The following GRIK1 variants were observed in gnomAD, a reference collection of about 807,000 sequenced individuals.
GRIK1 encodes glutamate ionotropic receptor kainate type subunit 1.
GRIK1 carries 69 observed loss-of-function variants against 105.7 expected under a neutral mutation model. That is an observed-to-expected ratio of 0.65 (90% CI 0.54 to 0.80). GRIK1 has a LOEUF of 0.80. GRIK1 is among the 30% of genes least tolerant of loss of function. The probability of loss-of-function intolerance (pLI) is 0.00; values close to 1 mark genes in which losing one functional copy is unlikely to be tolerated. For missense variants in GRIK1, 1,109 were observed against 1,167.3 expected, an observed-to-expected ratio of 0.95 and a Z score of 0.73; for synonymous variants, 438 against 431.3, an observed-to-expected ratio of 1.02 and a Z score of -0.19.
At chr21:29,598,083 G>T (rs363461) in intron 8 of GRIK1, among the ~76,000 whole-genome samples, 1,894 of 152,260 alleles carry the variant, frequency 0.012, 44 homozygotes, top group African/African-American at 0.043. Context: ...CTATAAGATT[G>T]TCAGTGCAAA....
At chr21:29,768,949 A>G (rs1213009759) in intron 1 of GRIK1, among the ~76,000 whole-genome samples, 1 of 152,228 alleles carries the variant, frequency 6.6e-6, no homozygotes, top group Admixed American at 6.5e-5. Context: ...TGAGGATTAA[A>G]TGAGAAAATG....
chr21:29,697,916 T>C (rs9978168), intron 1 of GRIK1, among the ~76,000 whole-genome samples: 44 of 132,518 alleles, frequency 3.3e-4, no homozygotes, highest in African/African-American at 1.2e-3. Context: ...CTTTCTTTCT[T>C]TCTCTCTCTC....
intron 1 of GRIK1, among the ~76,000 whole-genome samples, chr21:29,769,007 CAATT>C (rs779528541): frequency 5.3e-5 from 8 of 152,068 alleles, no homozygotes; most frequent in Non-Finnish European, 1.0e-4. Flanking sequence ...AACAATCAAT[CAATT>C]ATTGTTGTTC....
intron 1 of GRIK1, among the ~76,000 whole-genome samples, chr21:29,853,620 T>C (rs1428781799): frequency 6.6e-6 from 1 of 152,220 alleles, no homozygotes; most frequent in African/African-American, 2.4e-5. Flanking sequence ...AACTATGCTT[T>C]CCTCTAGTCA....
chr21:29,790,510 CA>C lies in GRIK1; in HGVS notation c.119-96448del, dbSNP rs1310568590. Among the ~76,000 whole-genome samples the C allele has an allele frequency of 2.0e-5, 3 of 151,724 alleles. No homozygotes were observed. In the East Asian group the frequency reaches 5.8e-4, roughly 29 times the overall value. On this transcript the variant is annotated intron_variant, in intron 1 of 17. Coordinates refer to ENST00000327783, the MANE Select transcript of GRIK1 (RefSeq NM_001330994.2). ...TCTTGCTGTCACCCAGTCTGAAATG[CA>C]GCAGTGCAATCACAGCTCACTGCAG...
intron 1 of GRIK1, among the ~76,000 whole-genome samples, chr21:29,789,464 T>C (rs2066351690): frequency 6.6e-6 from 1 of 152,130 alleles, no homozygotes; most frequent in African/African-American, 2.4e-5. Flanking sequence ...AAGAAAGATG[T>C]CTCCTGTTTA....
At chr21:29,749,326 C>T (rs1466428090) in intron 1 of GRIK1, among the ~76,000 whole-genome samples, 1 of 152,162 alleles carries the variant, frequency 6.6e-6, no homozygotes, top group Non-Finnish European at 1.5e-5. Context: ...AGGGACAGGA[C>T]TGGATGATAG....
intron 14 of GRIK1, among the ~76,000 whole-genome samples, chr21:29,576,720 C>A (rs1296748110): frequency 6.6e-6 from 1 of 151,582 alleles, no homozygotes; most frequent in Non-Finnish European, 1.5e-5. Flanking sequence ...ATCTATGGAT[C>A]TGAGTACACT....
intron 1 of GRIK1, among the ~76,000 whole-genome samples, chr21:29,728,150 C>G (rs552856964): frequency 6.6e-6 from 1 of 152,194 alleles, no homozygotes; most frequent in African/African-American, 2.4e-5. Context: ...TTAGCTCAAT[C>G]AAGTTGTCAT....
At chr21:29,584,646 G>A (rs1230344326) in intron 12 of GRIK1, among the ~76,000 whole-genome samples, 1 of 152,092 alleles carries the variant, frequency 6.6e-6, no homozygotes, top group African/African-American at 2.4e-5. Flanking sequence ...ATGCAGTGAT[G>A]GGGCTTTATT....
chr21:29,741,250 T>C (rs1463121212), intron 1 of GRIK1, among the ~76,000 whole-genome samples: 2 of 152,252 alleles, frequency 1.3e-5, no homozygotes, highest in Non-Finnish European at 2.9e-5. Flanking sequence ...TCTCATGCCA[T>C]GACTTGAAAC....
intron 7 of GRIK1, among the ~76,000 whole-genome samples, chr21:29,629,903 A>G (rs2062225671): frequency 6.6e-6 from 1 of 152,182 alleles, no homozygotes; most frequent in African/African-American, 2.4e-5. Flanking sequence ...AGACACAAGT[A>G]AAAGGATTGA....
rs2062723647 is a variant in GRIK1, at chr21:29,650,998, C to A, written c.954+120G>T. 7.4e-6 allele frequency: 5 copies of A among 674,336 alleles called. 1 individual carries two copies. In the Middle Eastern group the frequency reaches 1.3e-3, roughly 172 times the overall value. 41.8% of individuals were successfully genotyped at this position (674,336 alleles called of 1,614,324 possible). On this transcript the variant is annotated intron_variant, in intron 6 of 17. Coordinates refer to ENST00000327783, the MANE Select transcript of GRIK1 (RefSeq NM_001330994.2). ...ACCTAAAAAGCAAACTCTTTCTTCT[C>A]TACTGCAAGTCAAGGCACCCACTGT...
intron 7 of GRIK1, among the ~76,000 whole-genome samples, chr21:29,641,094 T>C (rs944195323): frequency 6.6e-6 from 1 of 152,198 alleles, no homozygotes; most frequent in Non-Finnish European, 1.5e-5. Context: ...TCTTTATCCT[T>C]ACAGTCATGC....
At chr21:29,894,495 T>C (rs1408463595) in intron 1 of GRIK1, among the ~76,000 whole-genome samples, 1 of 152,192 alleles carries the variant, frequency 6.6e-6, no homozygotes, top group Non-Finnish European at 1.5e-5. Context: ...CTGCCTGCTT[T>C]ATTCTAGCTG....
chr21:29,845,506 C>A (rs1448139686), intron 1 of GRIK1, among the ~76,000 whole-genome samples: 2 of 152,134 alleles, frequency 1.3e-5, no homozygotes, highest in South Asian at 4.1e-4. Context: ...ATATTACTCT[C>A]ATTTCTTTGT....
intron 1 of GRIK1, among the ~76,000 whole-genome samples, chr21:29,736,574 A>C (rs562857551): frequency 7.9e-5 from 12 of 152,190 alleles, no homozygotes; most frequent in Non-Finnish European, 1.2e-4. Context: ...TCATAAATTC[A>C]TTTAAATATT....
At chr21:29,927,919 CAT>C (rs2071438979) in intron 1 of GRIK1, among the ~76,000 whole-genome samples, 1 of 151,992 alleles carries the variant, frequency 6.6e-6, no homozygotes, top group Admixed American at 6.6e-5. Flanking sequence ...TATACACACA[CAT>C]ATACATATAT....
intron 1 of GRIK1, among the ~76,000 whole-genome samples, chr21:29,751,806 C>T (rs1298853203): frequency 6.6e-6 from 1 of 152,196 alleles, no homozygotes; most frequent in Non-Finnish European, 1.5e-5. Flanking sequence ...TAATGACCTT[C>T]TAATGTACAT....
Sources: gnomAD v4.1 joint callset for allele counts (sites outside exome capture counted in the v4.1 genomes callset) on GRCh38, gnomAD v4.1.1 for gene constraint, MANE v1.5 for transcripts, NCBI Gene and HGNC (gene_info 2026-07-23, HGNC 2026-07-21) for gene names.